TENM4: variants seen among roughly 807,000 people sequenced by gnomAD.
The protein encoded by TENM4 is teneurin-4.
TENM4 carries 82 observed loss-of-function variants against 243.3 expected under a neutral mutation model. The ratio of observed to expected loss-of-function variants is 0.34; its 90% CI spans 0.28 to 0.40. The LOEUF (loss-of-function observed/expected upper bound fraction) is 0.40, where lower values mean the gene tolerates loss of function less well. Among genes scored for constraint, TENM4 ranks in the 10% least tolerant of loss-of-function variants. The pLI, the probability that TENM4 is intolerant of heterozygous loss-of-function variation, is 1.00. For synonymous variants in TENM4, 1,412 were observed against 1,456.3 expected, an observed-to-expected ratio of 0.97 and a Z score of 0.69; for missense variants, 3,138 against 3,673.3, an observed-to-expected ratio of 0.85 and a Z score of 3.77.
chr11:78,729,770 GA>G (rs1478086943), intron 21 of TENM4, 127 bp from the exon 22 acceptor site: 7 of 1,227,848 alleles, frequency 5.7e-6, no homozygotes, highest in African/African-American at 1.5e-5. Flanking sequence ...GAGAGGAGGG[GA>G]AAAAAAGAGG....
Position 78,701,667 on chromosome 11 carries a change from A to G in TENM4, c.4946T>C (p.Val1649Ala). ...PLWLVVPDGQ[V>A]YWVTMGTNSA... ...GTTGGTGCCCATGGTCACCCAGTACACCTGGCCATCTGGGACCACCAGCCA... is the reference window on the plus strand; with the variant it reads ...GTTGGTGCCCATGGTCACCCAGTACGCCTGGCCATCTGGGACCACCAGCCA... The change falls in exon 28 of 34, where the codon GTG (valine) becomes GCG (alanine). Residue 1649 changes from valine to alanine, a missense_variant. This residue lies in a region of TENM4 where 2,467 missense variants were observed against 3,059.1 expected (regional missense o/e 0.81). Coordinates refer to ENST00000278550, the MANE Select transcript of TENM4 (RefSeq NM_001098816.3). The G allele has an allele frequency of 6.2e-7, 1 of 1,613,726 alleles. No homozygotes were observed. The highest frequency in any genetic ancestry group is 8.5e-7 in the Non-Finnish European group (1 of 1,179,820).
chr11:79,235,321 A>G (rs768577832), intron 2 of TENM4, among the ~76,000 whole-genome samples: 1 of 152,060 alleles, frequency 6.6e-6, no homozygotes, highest in Non-Finnish European at 1.5e-5. Flanking sequence ...TCTCCAAAAA[A>G]AAATGAAGTC....
intron 2 of TENM4, among the ~76,000 whole-genome samples, chr11:79,245,992 C>A (rs1426893295): frequency 2.1e-5 from 3 of 144,472 alleles, no homozygotes; most frequent in Admixed American, 6.9e-5. Flanking sequence ...AACAGGAGAT[C>A]CTAAATCTAA....
At chr11:79,388,388 C>G (rs573672114) in intron 1 of TENM4, among the ~76,000 whole-genome samples, 13 of 152,160 alleles carry the variant, frequency 8.5e-5, no homozygotes, top group Non-Finnish European at 1.8e-4. Flanking sequence ...CCAAAAAATT[C>G]AAGGGAAACC....
intron 6 of TENM4, among the ~76,000 whole-genome samples, chr11:78,969,805 C>A (rs1857504651): frequency 1.3e-5 from 2 of 152,116 alleles, no homozygotes; most frequent in Admixed American, 6.5e-5. Context: ...TTTTAACTGG[C>A]AGCCCTGTAA....
intron 2 of TENM4, among the ~76,000 whole-genome samples, chr11:79,252,936 T>C (rs1177982382): frequency 6.6e-6 from 1 of 152,232 alleles, no homozygotes; most frequent in Non-Finnish European, 1.5e-5. Context: ...TCAAGTGGCT[T>C]GTTAATGCAG....
At chr11:79,023,067 C>A (rs552911050) in intron 6 of TENM4, among the ~76,000 whole-genome samples, 1 of 152,244 alleles carries the variant, frequency 6.6e-6, no homozygotes, top group East Asian at 1.9e-4. Flanking sequence ...AAATCCTGTG[C>A]CTCTAACCAC....
chr11:79,063,989 G>A (rs928114886), intron 6 of TENM4, among the ~76,000 whole-genome samples: 16 of 151,840 alleles, frequency 1.1e-4, no homozygotes, highest in Non-Finnish European at 1.3e-4. Flanking sequence ...GATAATAATT[G>A]TATATATTTA....
intron 12 of TENM4, among the ~76,000 whole-genome samples, chr11:78,836,307 G>T (rs1390351510): frequency 6.6e-6 from 1 of 152,280 alleles, no homozygotes; most frequent in Admixed American, 6.5e-5. Flanking sequence ...CCGAGATTGC[G>T]CTGTTGCACT....
intron 12 of TENM4, among the ~76,000 whole-genome samples, chr11:78,827,262 A>C (rs1217368708): frequency 2.0e-5 from 3 of 152,144 alleles, no homozygotes; most frequent in Non-Finnish European, 4.4e-5. Flanking sequence ...GAGAAAGCCC[A>C]AATTTCTGAA....
At chr11:78,846,801 T>C (rs1858404672) in intron 12 of TENM4, among the ~76,000 whole-genome samples, 1 of 152,240 alleles carries the variant, frequency 6.6e-6, no homozygotes, top group Non-Finnish European at 1.5e-5. Context: ...TCAGTTGGTC[T>C]TTGTTGAACC....
chr11:79,165,590 GTTGT>G (rs777101342), intron 3 of TENM4, among the ~76,000 whole-genome samples: 11 of 152,106 alleles, frequency 7.2e-5, no homozygotes, highest in Non-Finnish European at 1.3e-4. Flanking sequence ...TACTCTGTGG[GTTGT>G]TTGTTTATTC....
intron 1 of TENM4, among the ~76,000 whole-genome samples, chr11:79,419,055 C>A (rs1877206): frequency 0.63 from 95,031 of 151,988 alleles, 29,769 homozygotes; most frequent in African/African-American, 0.64. Flanking sequence ...CACATCTAGA[C>A]TAGGCTTAGC....
intron 1 of TENM4, among the ~76,000 whole-genome samples, chr11:79,311,837 A>G (rs922175705): frequency 2.0e-5 from 3 of 152,202 alleles, no homozygotes; most frequent in African/African-American, 7.2e-5. Flanking sequence ...ACCTGTGTGA[A>G]ACATTGCCCT....
chr11:78,688,274 T>C (rs370054920), intron 28 of TENM4, 48 bp from the exon 29 acceptor site: 18 of 1,568,268 alleles, frequency 1.1e-5, no homozygotes, highest in Admixed American at 3.6e-5. Flanking sequence ...AATGGTGCTC[T>C]AGCTGGAACT....
intron 3 of TENM4, among the ~76,000 whole-genome samples, chr11:79,203,383 G>A (rs1863786486): frequency 6.6e-6 from 1 of 152,130 alleles, no homozygotes; most frequent in Non-Finnish European, 1.5e-5. Context: ...CTAAGAAATG[G>A]GTAAGTAGAA....
At chr11:79,156,973 A>T (rs1379443606) in intron 3 of TENM4, among the ~76,000 whole-genome samples, 1 of 152,130 alleles carries the variant, frequency 6.6e-6, no homozygotes, top group East Asian at 1.9e-4. Context: ...CCTCTCTCTG[A>T]TCTCCTGCAG....
chr11:79,120,679 TA>T (rs1861725043), intron 4 of TENM4, among the ~76,000 whole-genome samples: 1 of 152,160 alleles, frequency 6.6e-6, no homozygotes, highest in African/African-American at 2.4e-5. Flanking sequence ...TTCCCAACAA[TA>T]AAAGTGAAAA....
chr11:79,249,086 T>C (rs1855568029), intron 2 of TENM4, among the ~76,000 whole-genome samples: 1 of 152,260 alleles, frequency 6.6e-6, no homozygotes, highest in Admixed American at 6.5e-5. Context: ...CCTAGTAGCA[T>C]GCAGTAACAA....
Sources: gnomAD v4.1 joint callset for allele counts (sites outside exome capture counted in the v4.1 genomes callset) on GRCh38, gnomAD v4.1.1 for gene constraint, gnomAD v4.1.1 regional missense constraint, MANE v1.5 for transcripts, NCBI Gene and HGNC (gene_info 2026-07-23, HGNC 2026-07-21) for gene names.